The following FMNL1 variants were observed in gnomAD, a reference collection of about 807,000 sequenced individuals.
FMNL1 encodes the protein formin-like protein 1.
FMNL1 carries 43 observed loss-of-function variants against 121.3 expected under a neutral mutation model. The ratio of observed to expected loss-of-function variants is 0.35; its 90% CI spans 0.28 to 0.46. The LOEUF (loss-of-function observed/expected upper bound fraction) is 0.46, where lower values mean the gene tolerates loss of function less well. Ranked by LOEUF, FMNL1 falls within the 20% of genes least tolerant of loss-of-function variation. FMNL1 has a pLI of 1.00. For missense variants in FMNL1, 1,191 were observed against 1,482.4 expected, an observed-to-expected ratio of 0.80 and a Z score of 3.23; for synonymous variants, 613 against 613.5, an observed-to-expected ratio of 1.00 and a Z score of 0.01.
rs1358591435 is a variant in FMNL1, at chr17:45,246,326, C to T, written c.3207C>T (p.Ile1069=). ...GTGATGGGGCCATTGAAGACATCAT[C>T]ACAGGTAAGGGCTTGGCCAGGCCTT... ...SDRDGAIEDI[I]TVIKTVPFTA... The change falls in exon 25 of 27, where the codon ATC becomes ATT. Residue 1069 remains isoleucine, a synonymous_variant. Coordinates refer to ENST00000331495, the MANE Select transcript of FMNL1 (RefSeq NM_005892.4). The T allele has an allele frequency of 4.3e-6, 7 of 1,613,982 alleles. No individual in the cohort carries two copies. In the South Asian group the frequency reaches 7.7e-5, roughly 18 times the overall value.
chr17:45,247,098 G>A lies in FMNL1; in HGVS notation c.*240G>A, dbSNP rs1425313155. ...CGCTGTGGCCCGCCTCAAACGGGCT[G>A]GTGCATCCTCCTCTTGGCCACAGAG... On this transcript the variant is annotated 3_prime_UTR_variant, in exon 27 of 27. Coordinates refer to ENST00000331495, the MANE Select transcript of FMNL1 (RefSeq NM_005892.4). 5 of 603,950 alleles carry A rather than the reference G, an allele frequency of 8.3e-6. No individual in the cohort carries two copies. Among genetic ancestry groups the A allele is most frequent in the African/African-American group, 5.5e-5 (3 of 54,242 alleles). The allele number at this position is 603,950 out of a possible 1,614,324, so 37.4% of individuals were successfully genotyped here.
intron 3 of FMNL1, 21 bp downstream of exon 3, chr17:45,232,501 C>T: frequency 6.2e-7 from 1 of 1,608,712 alleles, no homozygotes; most frequent in Non-Finnish European, 8.5e-7. Context: ...CCCCTCTTTA[C>T]TCTGTCCCTT....
At position 45,241,225 on chromosome 17, in the gene FMNL1, C is replaced by A; in HGVS notation, c.1327C>A (p.Leu443Met). ...CCAGGCGCGCAAGGAGTTGGAGACC[C>A]TGCGGGTGAGGCTGGGGCGGGTGGT... ...LSQARKELET[L>M]RERFSESTAM... is the part of the protein sequence containing the mutation. Residue 443 changes from leucine (L) to methionine (M), a missense_variant, in exon 13 of 27, where the codon CTG (leucine) becomes ATG (methionine). Coordinates refer to ENST00000331495, the MANE Select transcript of FMNL1 (RefSeq NM_005892.4). This position sits in a 1 kb window ranked among gnomAD's most constrained non-coding sequence, Gnocchi z 7.0. 6.2e-7 allele frequency: 1 copy of A among 1,614,052 alleles called. No individual in the cohort carries two copies. The highest frequency in any genetic ancestry group is 8.5e-7 in the Non-Finnish European group (1 of 1,179,984).
intron 1 of FMNL1, among the ~76,000 whole-genome samples, chr17:45,225,287 G>A (rs1383318650): frequency 6.6e-6 from 1 of 152,178 alleles, no homozygotes; most frequent in Non-Finnish European, 1.5e-5. Context: ...TTGCAGCTGG[G>A]GCCCTTCCCT....
chr17:45,223,770 G>A (rs1405997691), intron 1 of FMNL1, among the ~76,000 whole-genome samples: 8 of 152,276 alleles, frequency 5.3e-5, no homozygotes, highest in Non-Finnish European at 1.0e-4. Flanking sequence ...CTGTCTTTCC[G>A]CCAAGTGTGT....
chr17:45,234,442 A>G, intron 6 of FMNL1: 1 of 531,816 alleles, frequency 1.9e-6, no homozygotes, highest in Non-Finnish European at 3.3e-6. Flanking sequence ...AGGTGGGCAG[A>G]TCATTTGAGG....
At chr17:45,225,563 C>G (rs918508291) in intron 1 of FMNL1, among the ~76,000 whole-genome samples, 4 of 152,162 alleles carry the variant, frequency 2.6e-5, no homozygotes, top group Admixed American at 2.6e-4. Context: ...ATGTGGTGGG[C>G]ATGATTCACA....
chr17:45,235,693 T>C (rs1237036229), intron 6 of FMNL1, among the ~76,000 whole-genome samples: 2 of 152,180 alleles, frequency 1.3e-5, no homozygotes, highest in African/African-American at 4.8e-5. Flanking sequence ...GCTACTATTA[T>C]TAGCATTCCT....
rs769871346 is a variant in FMNL1 at position 45,240,623 on chromosome 17, C to T, written c.1228C>T (p.Leu410=). The T allele has an allele frequency of 2.5e-6, 4 of 1,612,870 alleles. No individual in the cohort carries two copies. Residue 410 remains leucine, a splice_region_variant and synonymous_variant, in exon 12 of 27, where the codon CTG becomes TTG. Coordinates refer to ENST00000331495, the MANE Select transcript of FMNL1 (RefSeq NM_005892.4). ...GGAGGAACTGCAGGAGCAAGTGGCG[C>T]TGGTGAGAGTGGGTCCTGACCCCAG... ...HMEELQEQVA[L]LTERLRDAEN...
chr17:45,242,877 T>A (rs577523804), intron 16 of FMNL1, among the ~76,000 whole-genome samples: 2 of 152,234 alleles, frequency 1.3e-5, no homozygotes, highest in Non-Finnish European at 2.9e-5. Context: ...GCTGGCCAGT[T>A]CAGCTCTTCC....
Position 45,240,493 on chromosome 17 carries a change from GA to G in FMNL1, c.1099del (p.Ser367ValfsTer45). ...GGGGACAGAGGCTTCGGCTCACCGA[GA>G]GTGACAAGCTGCAGGTGCAGATCCA... ...LYLERLRLTE[S>X]DKLQVQIQAY... On this transcript the variant is annotated frameshift_variant, in exon 12 of 27. Coordinates refer to ENST00000331495, the MANE Select transcript of FMNL1 (RefSeq NM_005892.4). LOFTEE classifies it high-confidence loss of function. 1 of 1,613,284 alleles carries G rather than the reference GA, an allele frequency of 6.2e-7. No homozygotes were observed. Among genetic ancestry groups the G allele is most frequent in the Non-Finnish European group, 8.5e-7 (1 of 1,179,598 alleles).
Position 45,242,141 on chromosome 17 carries a change from GC to G in FMNL1, c.1883del (p.Pro628GlnfsTer3). The G allele has an allele frequency of 6.5e-7, 1 of 1,538,602 alleles. No individual in the cohort carries two copies. The highest frequency in any genetic ancestry group is 8.8e-7 in the Non-Finnish European group (1 of 1,142,266). On this transcript the variant is annotated frameshift_variant, in exon 15 of 27. Transcript: ENST00000331495. LOFTEE classifies it high-confidence loss of function. ...DALGRRDSEL[G>X]PGVKAKKPIQ... ...CTAGGAAGACGCGACTCAGAATTGG[GC>G]CCAGGTGAGTGGAGTGGACCACCTT...
At position 45,242,022 on chromosome 17, in the gene FMNL1, AC is replaced by A; in HGVS notation, c.1766del (p.Pro589ArgfsTer31). ...CGCTGCCCGGAGACCTGCCGCCCCC[AC>A]CCCCGCCACCGCCACCACCTCCGGG... Reference protein sequence around the residue: ...PPLPGDLPPPPPPPPPPPGTD... With the variant: ...PPLPGDLPPPXPPPPPPPGTD... On this transcript the variant is annotated frameshift_variant, in exon 15 of 27. Transcript: ENST00000331495. LOFTEE classifies it high-confidence loss of function. The A allele has an allele frequency of 1.1e-6, 1 of 886,826 alleles. No homozygotes were observed. Among genetic ancestry groups the A allele is most frequent in the Non-Finnish European group, 1.4e-6 (1 of 692,240 alleles). The allele number at this position is 886,826 out of a possible 1,614,324, so 54.9% of individuals were successfully genotyped here.
chr17:45,245,321 T>C lies in FMNL1; in HGVS notation c.2797T>C (p.Phe933Leu), dbSNP rs2043804297. Residue 933 changes from phenylalanine (F) to leucine (L), a missense_variant, in exon 22 of 27, where the codon TTT becomes CTT. Physicochemically the swap from Phe to Leu is conservative, Grantham distance 22. Coordinates refer to ENST00000331495, the MANE Select transcript of FMNL1 (RefSeq NM_005892.4). ...QRGLELTQRE[F>L]VRQDDCMVLK... The stretch of plus-strand genomic sequence containing the variant: ...AGGCCTAGAGTTGACACAGAGAGAG[T>C]TTGTGCGGCAGGATGACTGCATGGT... 1.9e-6 allele frequency: 3 copies of C among 1,613,388 alleles called. No individual in the cohort carries two copies. The highest frequency in any genetic ancestry group is 2.5e-6 in the Non-Finnish European group (3 of 1,179,822).
chr17:45,233,121 C>A lies in FMNL1; in HGVS notation c.328-103C>A. 2 of 1,153,396 alleles carry A rather than the reference C, an allele frequency of 1.7e-6. No homozygotes were observed. Among genetic ancestry groups the A allele is most frequent in the Non-Finnish European group, 2.5e-6 (2 of 787,868 alleles). 71.4% of individuals were successfully genotyped at this position (1,153,396 alleles called of 1,614,324 possible). On this transcript the variant is annotated intron_variant, in intron 3 of 26. Transcript: ENST00000331495. The surrounding 1 kb of genome is among the most constrained non-coding windows in gnomAD (Gnocchi z 4.1). ...GGCTGAGCATGAAAGGCCACTTGTG[C>A]CAGTTGGAGGAGGGTGGGCGCTGCT...
At chr17:45,238,342 A>T in intron 9 of FMNL1, 1 of 514,894 alleles carries the variant, frequency 1.9e-6, no homozygotes, top group Non-Finnish European at 3.5e-6. Context: ...GTAAGTGCAA[A>T]GGCCCTGGGG....
At chr17:45,240,778 C>A in intron 12 of FMNL1, 153 bp downstream of exon 12, 2 of 1,138,392 alleles carry the variant, frequency 1.8e-6, no homozygotes, top group African/African-American at 1.6e-5. Flanking sequence ...TGGCCTGAAT[C>A]CAAAGCCTGA....
In FMNL1 at chr17:45,231,938, C is replaced by G. The variant is rs952455279; in HGVS notation, c.214-429C>G. Among the ~76,000 whole-genome samples the G allele has an allele frequency of 1.3e-5, 2 of 152,192 alleles. No homozygotes were observed. Among genetic ancestry groups the G allele is most frequent in the Admixed American group, 1.3e-4 (2 of 15,286 alleles). ...AGGACTGACCCCTGCATAGTCCACC[C>G]CAAAGCTGTGTCAGGGCTGTGGCCT... is the stretch of plus-strand genomic sequence containing the variant. On this transcript the variant is annotated intron_variant, in intron 2 of 26. Transcript: ENST00000331495. This position sits in a 1 kb window ranked among gnomAD's most constrained non-coding sequence, Gnocchi z 4.7.
Position 45,231,567 on chromosome 17 carries a change from C to T in FMNL1, c.214-800C>T, listed in dbSNP as rs1281231455. 3.3e-5 allele frequency: 5 copies of T among 152,422 alleles called. No homozygotes were observed. The highest frequency in any genetic ancestry group is 2.4e-5 in the African/African-American group (1 of 41,396). 9.4% of individuals were successfully genotyped at this position (152,422 alleles called of 1,614,324 possible). ...TCAAAGGGCTGGAAGAAGTGAAAGT[C>T]TGAGGGGTGGCTCGGCGAATCTGAG... On this transcript the variant is annotated intron_variant, in intron 2 of 26. Transcript: ENST00000331495. The surrounding 1 kb of genome is among the most constrained non-coding windows in gnomAD (Gnocchi z 4.7).
Sources: allele counts gnomAD v4.1 joint callset (sites outside exome capture counted in the v4.1 genomes callset), GRCh38; gene constraint gnomAD v4.1.1; non-coding constraint Gnocchi (gnomAD v3.1); transcripts MANE v1.5; gene names NCBI Gene and HGNC (gene_info 2026-07-23, HGNC 2026-07-21).